SNX24: variants seen among roughly 807,000 people sequenced by gnomAD.
The protein encoded by SNX24 is sorting nexin-24.
In SNX24, 22 loss-of-function variants were observed where a neutral mutation model predicts 28.7. The ratio of observed to expected loss-of-function variants is 0.77; its 90% CI spans 0.55 to 1.10. The LOEUF (loss-of-function observed/expected upper bound fraction) is 1.10. Ranked by LOEUF, SNX24 falls within the 50% of genes least tolerant of loss-of-function variation. SNX24 has a pLI of 0.00. For synonymous variants in SNX24, 69 were observed against 71.5 expected (o/e 0.96, Z 0.18); for missense variants, 221 against 201.1 (o/e 1.10, Z -0.60).
rs1756603541 is a variant in SNX24 at position 122,884,262 on chromosome 5, T to TG, written c.60+38569_60+38570insG. Reference sequence around the variant, plus strand: ...AATTGTTTCTTTTTCTTTTTTTTTTTTTTTTTTTTCAGACAGAGTCTCGCT... The same window carrying TG: ...AATTGTTTCTTTTTCTTTTTTTTTTTGTTTTTTTTTCAGACAGAGTCTCGCT... On this transcript the variant is annotated intron_variant, in intron 1 of 6. Coordinates refer to ENST00000261369, the MANE Select transcript of SNX24 (RefSeq NM_014035.4). 2.1e-5 allele frequency among the ~76,000 whole-genome samples: 3 copies of TG among 145,952 alleles called. 1 individual carries two copies. In the East Asian group the frequency reaches 5.9e-4, roughly 29 times the overall value.
At chr5:123,003,431 G>T (rs1483973229) in intron 6 of SNX24, among the ~76,000 whole-genome samples, 2 of 152,098 alleles carry the variant, frequency 1.3e-5, no homozygotes, top group Non-Finnish European at 2.9e-5. Flanking sequence ...TATTCATAAT[G>T]CAATCTAATA....
At chr5:122,864,335 CA>C (rs1371714242) in intron 1 of SNX24, among the ~76,000 whole-genome samples, 3 of 152,216 alleles carry the variant, frequency 2.0e-5, no homozygotes, top group Non-Finnish European at 4.4e-5. Flanking sequence ...AAGTGACGAA[CA>C]AGGGTGACTC....
At chr5:122,880,086 C>T (rs1756408102) in intron 1 of SNX24, among the ~76,000 whole-genome samples, 2 of 152,296 alleles carry the variant, frequency 1.3e-5, no homozygotes, top group South Asian at 4.1e-4. Flanking sequence ...CTCCAACCTT[C>T]TGTTTACTTT....
At chr5:122,979,606 G>GT in intron 3 of SNX24, among the ~76,000 whole-genome samples, 1 of 152,224 alleles carries the variant, frequency 6.6e-6, no homozygotes, top group Non-Finnish European at 1.5e-5. Flanking sequence ...AAGAACATTT[G>GT]TGGTCATCAC....
chr5:123,005,105 A>T (rs545992739), intron 6 of SNX24, among the ~76,000 whole-genome samples: 1 of 152,238 alleles, frequency 6.6e-6, no homozygotes, highest in Non-Finnish European at 1.5e-5. Flanking sequence ...AACCCTGATT[A>T]TGTTATTTCT....
chr5:122,970,483 T>C (rs901525079), intron 3 of SNX24, among the ~76,000 whole-genome samples: 2 of 152,092 alleles, frequency 1.3e-5, no homozygotes, highest in Non-Finnish European at 2.9e-5. Flanking sequence ...CAAATCTTTT[T>C]TTTGAGACGG....
chr5:122,925,758 C>T (rs768298152), intron 1 of SNX24, among the ~76,000 whole-genome samples: 6 of 152,214 alleles, frequency 3.9e-5, no homozygotes, highest in Non-Finnish European at 8.8e-5. Flanking sequence ...GAAGTTTATA[C>T]ATATTCTTCC....
rs557040637 is a variant in SNX24 at position 123,009,197 on chromosome 5, A to G, written c.*1448A>G. 1.0e-6 allele frequency: 1 copy of G among 985,100 alleles called. No homozygotes were observed. The highest frequency in any genetic ancestry group is 1.2e-6 in the Non-Finnish European group (1 of 829,356). The allele number at this position is 985,100 out of a possible 1,614,324, so 61.0% of individuals were successfully genotyped here. A position where few individuals can be genotyped will look rare whatever the true frequency, so the allele number is the denominator to read the frequency against. On this transcript the variant is annotated 3_prime_UTR_variant, in exon 7 of 7. Coordinates refer to ENST00000261369, the MANE Select transcript of SNX24 (RefSeq NM_014035.4). ...CTATTTGGAGTTAAATAAAAACAGA[A>G]CAAGGAAACATTTGAGTTTGTCTTC...
intron 1 of SNX24, among the ~76,000 whole-genome samples, chr5:122,848,290 C>A (rs942890556): frequency 6.6e-6 from 1 of 152,070 alleles, no homozygotes; most frequent in African/African-American, 2.4e-5. Flanking sequence ...GAGATGGGAT[C>A]TCACTATATT....
chr5:122,964,535 C>A (rs886241292), intron 3 of SNX24, among the ~76,000 whole-genome samples: 1 of 151,954 alleles, frequency 6.6e-6, no homozygotes, highest in African/African-American at 2.4e-5. Context: ...AATATTATAT[C>A]ATCTATAATG....
At chr5:122,862,381 C>T (rs997704174) in intron 1 of SNX24, among the ~76,000 whole-genome samples, 2 of 151,750 alleles carry the variant, frequency 1.3e-5, no homozygotes, top group Non-Finnish European at 2.9e-5. Flanking sequence ...TTTGGGAGGC[C>T]GAGGCAGGCG....
chr5:122,914,928 G>A (rs1758093052), intron 1 of SNX24, among the ~76,000 whole-genome samples: 1 of 152,190 alleles, frequency 6.6e-6, no homozygotes, highest in Admixed American at 6.5e-5. Context: ...AAGGCTATGG[G>A]TTGGATGATG....
At chr5:122,976,407 C>G (rs1251584833) in intron 3 of SNX24, among the ~76,000 whole-genome samples, 1 of 151,874 alleles carries the variant, frequency 6.6e-6, no homozygotes, top group Non-Finnish European at 1.5e-5. Context: ...CCACAACTTT[C>G]TGTTGTTATT....
At chr5:122,943,811 A>T (rs1759565798) in intron 2 of SNX24, among the ~76,000 whole-genome samples, 1 of 152,132 alleles carries the variant, frequency 6.6e-6, no homozygotes, top group East Asian at 1.9e-4. Flanking sequence ...CATACAAGGC[A>T]TTTACACCAG....
chr5:122,968,097 C>T (rs1276261615), intron 3 of SNX24, among the ~76,000 whole-genome samples: 1 of 152,132 alleles, frequency 6.6e-6, no homozygotes, highest in Admixed American at 6.5e-5. Flanking sequence ...TCTCTACCTC[C>T]CTTAAAACTT....
chr5:122,939,743 T>C (rs1299807252), intron 2 of SNX24, among the ~76,000 whole-genome samples: 1 of 152,198 alleles, frequency 6.6e-6, no homozygotes, highest in East Asian at 1.9e-4. Flanking sequence ...ATTAGAATCT[T>C]TGTGATGGAG....
At chr5:122,966,858 C>A (rs1266384122) in intron 3 of SNX24, among the ~76,000 whole-genome samples, 9 of 152,080 alleles carry the variant, frequency 5.9e-5, no homozygotes, top group Non-Finnish European at 8.8e-5. Context: ...GAGTAGCTAC[C>A]ATTTTTTCCT....
At position 123,001,349 on chromosome 5, in the gene SNX24, A is replaced by G; in HGVS notation, c.345-56A>G. The G allele has an allele frequency of 4.2e-6, 5 of 1,188,910 alleles. No homozygotes were observed. The South Asian group carries it at 6.6e-5, about 16-fold the overall frequency. 73.6% of individuals were successfully genotyped at this position (1,188,910 alleles called of 1,614,324 possible). A position where few individuals can be genotyped will look rare whatever the true frequency, so the allele number is the denominator to read the frequency against. On this transcript the variant is annotated intron_variant, in intron 4 of 6. Coordinates refer to ENST00000261369, the MANE Select transcript of SNX24 (RefSeq NM_014035.4). ...GGGTATTTTTTCCTTTGTTGGCATA[A>G]ACATTGACTCAACATATGTGGTTTT...
At chr5:122,916,266 G>A (rs543174302) in intron 1 of SNX24, among the ~76,000 whole-genome samples, 8 of 152,256 alleles carry the variant, frequency 5.3e-5, no homozygotes, top group African/African-American at 1.7e-4. Flanking sequence ...CATTCTGATT[G>A]CATGAGGAAA....
Sources: allele counts gnomAD v4.1 joint callset (sites outside exome capture counted in the v4.1 genomes callset), GRCh38; gene constraint gnomAD v4.1.1; transcripts MANE v1.5; gene names NCBI Gene and HGNC (gene_info 2026-07-23, HGNC 2026-07-21).